The following ERBB4 variants were observed in gnomAD, a reference collection of about 807,000 sequenced individuals.
The protein encoded by ERBB4 is receptor tyrosine-protein kinase erbB-4.
In ERBB4, 42 loss-of-function variants were observed where a neutral mutation model predicts 158.0. That is an observed-to-expected ratio of 0.27 (90% CI 0.21 to 0.34). The LOEUF (loss-of-function observed/expected upper bound fraction) is 0.34. Ranked by LOEUF, ERBB4 falls within the 10% of genes least tolerant of loss-of-function variation. ERBB4 has a pLI of 1.00. For synonymous variants in ERBB4, 583 were observed against 558.7 expected (o/e 1.04, Z -0.61); for missense variants, 1,333 against 1,624.1 (o/e 0.82, Z 3.08).
At chr2:211,709,864 A>G (rs1007695523) in intron 9 of ERBB4, among the ~76,000 whole-genome samples, 5 of 152,024 alleles carry the variant, frequency 3.3e-5, no homozygotes, top group African/African-American at 9.7e-5. Flanking sequence ...CTTTTGTCAT[A>G]TAACAATGTG....
chr2:211,490,125 G>T, intron 20 of ERBB4, among the ~76,000 whole-genome samples: 1 of 151,960 alleles, frequency 6.6e-6, no homozygotes, highest in East Asian at 1.9e-4. Context: ...ATTGGGTAAA[G>T]ATATAAAACA....
Position 212,030,232 on chromosome 2 carries a change from C to T in ERBB4, c.235-82616G>A, listed in dbSNP as rs147597664. ...TTCAGTTCTACTTCAAAAGGAGCCT[C>T]ATATATCTCCCTTTCCTATTTCACT... is the stretch of plus-strand genomic sequence containing the variant. On this transcript the variant is annotated intron_variant, in intron 2 of 27. Coordinates refer to ENST00000342788, the MANE Select transcript of ERBB4 (RefSeq NM_005235.3). Among the ~76,000 whole-genome samples, 22 of 152,186 alleles carry T rather than the reference C, an allele frequency of 1.4e-4. No individual in the cohort carries two copies. The East Asian group carries it at 4.3e-3, about 29-fold the overall frequency.
At chr2:212,012,523 C>T (rs1478003783) in intron 2 of ERBB4, among the ~76,000 whole-genome samples, 1 of 150,350 alleles carries the variant, frequency 6.7e-6, no homozygotes, top group Non-Finnish European at 1.5e-5. Context: ...TCAAGCAATT[C>T]TCCGCCTCAG....
intron 25 of ERBB4, among the ~76,000 whole-genome samples, chr2:211,398,810 G>A (rs554642685): frequency 2.6e-5 from 4 of 152,290 alleles, no homozygotes; most frequent in East Asian, 1.9e-4. Context: ...CAGCCTGGGC[G>A]ACAGAGTAAG....
intron 1 of ERBB4, among the ~76,000 whole-genome samples, chr2:212,442,745 G>A (rs961812987): frequency 1.1e-4 from 16 of 152,128 alleles, no homozygotes; most frequent in African/African-American, 3.4e-4. Flanking sequence ...GGTAGGGTGA[G>A]GGCCATTATG....
chr2:212,107,313 C>CT (rs1165854265), intron 2 of ERBB4, among the ~76,000 whole-genome samples: 278 of 151,608 alleles, frequency 1.8e-3, no homozygotes, highest in Non-Finnish European at 2.2e-3. Context: ...CAAAGGAGAT[C>CT]TTTTTTTTTG....
chr2:211,822,688 A>C (rs564350233), intron 3 of ERBB4, among the ~76,000 whole-genome samples: 1 of 152,062 alleles, frequency 6.6e-6, no homozygotes, highest in African/African-American at 2.4e-5. Flanking sequence ...ATTTATATAA[A>C]ATATGGCATA....
intron 1 of ERBB4, among the ~76,000 whole-genome samples, chr2:212,224,356 T>A (rs2083403300): frequency 6.6e-6 from 1 of 151,924 alleles, no homozygotes; most frequent in African/African-American, 2.4e-5. Context: ...TTCATTTGGA[T>A]CATGAGTTTG....
chr2:211,441,548 GT>G (rs980640768), intron 20 of ERBB4, among the ~76,000 whole-genome samples: 24 of 152,006 alleles, frequency 1.6e-4, no homozygotes, highest in African/African-American at 5.8e-4. Context: ...AATCTTTCTT[GT>G]TTTTGTTTGT....
At chr2:212,483,277 T>C (rs1689801710) in intron 1 of ERBB4, among the ~76,000 whole-genome samples, 1 of 152,172 alleles carries the variant, frequency 6.6e-6, no homozygotes, top group South Asian at 2.1e-4. Context: ...AACAGATAAT[T>C]AAGTAAAGAG....
intron 1 of ERBB4, among the ~76,000 whole-genome samples, chr2:212,237,845 G>C (rs1262275855): frequency 6.6e-6 from 1 of 152,194 alleles, no homozygotes; most frequent in African/African-American, 2.4e-5. Flanking sequence ...ACTGTGCCCA[G>C]TTCGAACTTC....
chr2:211,442,393 TCC>T (rs1366585952), intron 20 of ERBB4, among the ~76,000 whole-genome samples: 2 of 114,180 alleles, frequency 1.8e-5, no homozygotes, highest in African/African-American at 2.9e-5. Flanking sequence ...TATCTATCCA[TCC>T]ATCCATCCAT....
chr2:211,648,505 T>C (rs935107418), intron 16 of ERBB4, among the ~76,000 whole-genome samples: 5 of 151,806 alleles, frequency 3.3e-5, no homozygotes, highest in African/African-American at 1.2e-4. Flanking sequence ...ATGTAGTAAA[T>C]ACAATGAATA....
intron 1 of ERBB4, among the ~76,000 whole-genome samples, chr2:212,525,021 G>A (rs1692372904): frequency 6.6e-6 from 1 of 151,870 alleles, no homozygotes; most frequent in South Asian, 2.1e-4. Flanking sequence ...GAAGGTACCA[G>A]GGAAACTCAA....
At chr2:212,015,815 G>T (rs1314730681) in intron 2 of ERBB4, among the ~76,000 whole-genome samples, 2 of 152,078 alleles carry the variant, frequency 1.3e-5, no homozygotes, top group African/African-American at 4.8e-5. Flanking sequence ...GAACTTCCAA[G>T]TGCCAGTACT....
rs554040068 is a variant in ERBB4, at chr2:211,679,083, T to C, written c.1591A>G (p.Ile531Val). 6.2e-7 allele frequency: 1 copy of C among 1,610,638 alleles called. No individual in the cohort carries two copies. Among genetic ancestry groups the C allele is most frequent in the Non-Finnish European group, 8.5e-7 (1 of 1,178,746 alleles). ...LSCRRFSRGR[I>V]CIESCNLYDG... ...TAGAGGTTACAAGACTCTATGCAGA[T>C]CCTTCCTCTACTGAAGCGGCGACAC... The change falls in exon 13 of 28, where the codon ATC (isoleucine) becomes GTC (valine). Residue 531 changes from isoleucine to valine, a missense_variant. Ile to Val is a conservative substitution (Grantham distance 29, BLOSUM62 3). This residue lies in a region of ERBB4 where 245 missense variants were observed against 247.5 expected (regional missense o/e 0.99). Coordinates refer to ENST00000342788, the MANE Select transcript of ERBB4 (RefSeq NM_005235.3).
At chr2:211,941,221 C>G (rs963682667) in intron 3 of ERBB4, among the ~76,000 whole-genome samples, 1 of 151,392 alleles carries the variant, frequency 6.6e-6, no homozygotes, top group African/African-American at 2.4e-5. Flanking sequence ...TAATCATTTT[C>G]CAAGTAATTT....
intron 1 of ERBB4, among the ~76,000 whole-genome samples, chr2:212,525,665 C>T (rs1161534967): frequency 8.0e-6 from 1 of 124,818 alleles, no homozygotes; most frequent in Non-Finnish European, 1.5e-5. Flanking sequence ...CATTTTCTCA[C>T]ACTAGTTAAA....
At chr2:212,036,469 C>CTT (rs34570443) in intron 2 of ERBB4, among the ~76,000 whole-genome samples, 19 of 143,110 alleles carry the variant, frequency 1.3e-4, no homozygotes, top group East Asian at 2.0e-4. Context: ...TAAATACATT[C>CTT]TTTTTTTTTT....
Sources: allele counts gnomAD v4.1 joint callset (sites outside exome capture counted in the v4.1 genomes callset), GRCh38; gene constraint gnomAD v4.1.1; regional missense constraint gnomAD v4.1.1; transcripts MANE v1.5; gene names NCBI Gene and HGNC (gene_info 2026-07-23, HGNC 2026-07-21).